Variants in ZNF33B observed in about 807,000 individuals in gnomAD.
The protein encoded by ZNF33B is zinc finger protein 33B.
Under a neutral mutation model 45.8 loss-of-function variants are expected in ZNF33B, and 29 were observed. The ratio of observed to expected loss-of-function variants is 0.63; its 90% confidence interval spans 0.47 to 0.86. ZNF33B has a LOEUF of 0.86. ZNF33B is among the 40% of genes least tolerant of loss of function. ZNF33B has a pLI of 0.00. For missense variants in ZNF33B, 831 were observed against 909.9 expected (o/e 0.91, Z 1.12); for synonymous variants, 305 against 307.8 (o/e 0.99, Z 0.10).
intron 4 of ZNF33B, among the ~76,000 whole-genome samples, chr10:42,601,950 C>G (rs1189797979): frequency 7.5e-6 from 1 of 133,064 alleles, no homozygotes; most frequent in African/African-American, 2.9e-5. Flanking sequence ...CAGGGTCTCA[C>G]TCCATCACCC....
intron 4 of ZNF33B, among the ~76,000 whole-genome samples, chr10:42,601,483 T>TG (rs1403457329): frequency 7.1e-6 from 1 of 141,416 alleles, no homozygotes; most frequent in Non-Finnish European, 1.5e-5. Context: ...TTTTTTTTTT[T>TG]TTTTTTTTTT....
rs779492392 is a variant in ZNF33B, at chr10:42,593,306, T to C, written c.1644A>G (p.Thr548=). 1.2e-5 allele frequency: 20 copies of C among 1,613,938 alleles called. No individual in the cohort carries two copies. In the Admixed American group the frequency reaches 1.5e-4, roughly 12 times the overall value. The change falls in exon 5 of 5, where the codon ACA becomes ACG. Residue 548 remains threonine (T), a synonymous_variant. Coordinates refer to ENST00000359467, the MANE Select transcript of ZNF33B (RefSeq NM_006955.3). The part of the protein sequence containing the change: ...SDLTIHQRTH[T]GEKPFACPEC... ...CAGGACATGCAAAGGGTTTCTCCCCTGTGTGCGTTCTCTGATGTATTGTGA... is the reference window on the plus strand; with the variant it reads ...CAGGACATGCAAAGGGTTTCTCCCCCGTGTGCGTTCTCTGATGTATTGTGA...
intron 4 of ZNF33B, among the ~76,000 whole-genome samples, chr10:42,603,805 C>G (rs1212188552): frequency 6.6e-6 from 1 of 151,970 alleles, no homozygotes; most frequent in Non-Finnish European, 1.5e-5. Context: ...AAAGAGAGCA[C>G]TGTTAACACC....
intron 4 of ZNF33B, among the ~76,000 whole-genome samples, chr10:42,621,378 G>A (rs543244384): frequency 5.3e-5 from 8 of 151,462 alleles, no homozygotes; most frequent in Non-Finnish European, 1.0e-4. Flanking sequence ...TGAATGATGC[G>A]TATGAATACA....
chr10:42,633,616 G>A (rs1193772690), intron 2 of ZNF33B, among the ~76,000 whole-genome samples: 2 of 152,194 alleles, frequency 1.3e-5, no homozygotes, highest in Non-Finnish European at 2.9e-5. Context: ...AACCAGGAAA[G>A]TTAGGGCAAA....
chr10:42,638,261 G>A (rs1052292293), intron 1 of ZNF33B, among the ~76,000 whole-genome samples: 1 of 152,254 alleles, frequency 6.6e-6, no homozygotes, highest in Admixed American at 6.5e-5. Context: ...TACAAACAGG[G>A]CAACGCACAG....
At chr10:42,608,400 G>A (rs1359543102) in intron 4 of ZNF33B, among the ~76,000 whole-genome samples, 1 of 152,074 alleles carries the variant, frequency 6.6e-6, no homozygotes, top group Non-Finnish European at 1.5e-5. Flanking sequence ...AGTGGAACAG[G>A]TATTCTTTAA....
intron 1 of ZNF33B, among the ~76,000 whole-genome samples, chr10:42,578,298 A>C (rs1836777333): frequency 6.6e-6 from 1 of 152,208 alleles, no homozygotes; most frequent in South Asian, 2.1e-4. Flanking sequence ...TGGAGGGTGG[A>C]TAAGAGGCCT....
intron 4 of ZNF33B, among the ~76,000 whole-genome samples, chr10:42,624,610 TAAC>T (rs1465060888): frequency 1.3e-5 from 2 of 152,194 alleles, no homozygotes; most frequent in African/African-American, 4.8e-5. Context: ...AGAAAAGTTA[TAAC>T]AATATGCTGG....
chr10:42,584,253 C>T (rs1038328310), downstream of ZNF33B, among the ~76,000 whole-genome samples: 2 of 152,198 alleles, frequency 1.3e-5, no homozygotes, highest in African/African-American at 4.8e-5. Flanking sequence ...AAGGAAATTG[C>T]CAGAATGACA....
intron 4 of ZNF33B, among the ~76,000 whole-genome samples, chr10:42,624,279 T>A (rs1237335973): frequency 4.6e-5 from 7 of 152,140 alleles, no homozygotes; most frequent in Non-Finnish European, 1.0e-4. Flanking sequence ...ACATATGAAT[T>A]TTGGGGAGAC....
At chr10:42,577,411 C>G (rs1334267181) in intron 1 of ZNF33B, among the ~76,000 whole-genome samples, 1 of 152,168 alleles carries the variant, frequency 6.6e-6, no homozygotes, top group Non-Finnish European at 1.5e-5. Context: ...CTACCGTCTC[C>G]TTCTCCCCTG....
intron 1 of ZNF33B, chr10:42,578,383 C>G (rs1169529312): frequency 6.5e-6 from 1 of 152,738 alleles, no homozygotes; most frequent in Non-Finnish European, 1.5e-5. Context: ...CTTCATCCTC[C>G]TCCTTCATGG....
At chr10:42,597,531 T>G (rs1454441885) in intron 4 of ZNF33B, among the ~76,000 whole-genome samples, 1 of 152,142 alleles carries the variant, frequency 6.6e-6, no homozygotes, top group Non-Finnish European at 1.5e-5. Flanking sequence ...TCGAAATTTA[T>G]ATTTTTAGCA....
Position 42,590,902 on chromosome 10 carries a change from T to C in ZNF33B, c.*1711A>G, listed in dbSNP as rs1203472417. 1 of 152,862 alleles carries C rather than the reference T, an allele frequency of 6.5e-6. No individual in the cohort carries two copies. The highest frequency in any genetic ancestry group is 1.5e-5 in the Non-Finnish European group (1 of 68,630). 9.5% of individuals were successfully genotyped at this position (152,862 alleles called of 1,614,324 possible). ...TTTTATTGATTTTCTCTTTTCAATT[T>C]CACTGATTTTTACTCTAATTTTTTT... On this transcript the variant is annotated 3_prime_UTR_variant, in exon 5 of 5. Coordinates refer to ENST00000359467, the MANE Select transcript of ZNF33B (RefSeq NM_006955.3).
At chr10:42,599,061 A>T (rs965760149) in intron 4 of ZNF33B, among the ~76,000 whole-genome samples, 2 of 152,182 alleles carry the variant, frequency 1.3e-5, no homozygotes, top group African/African-American at 4.8e-5. Context: ...AAGCCGTAAT[A>T]GCTGTTTATT....
intron 4 of ZNF33B, among the ~76,000 whole-genome samples, chr10:42,624,833 A>G (rs1198907346): frequency 1.3e-5 from 2 of 152,176 alleles, no homozygotes; most frequent in Non-Finnish European, 2.9e-5. Flanking sequence ...TGTGCAATTT[A>G]AAACTTAGGC....
At chr10:42,612,942 T>C (rs867235641) in intron 4 of ZNF33B, among the ~76,000 whole-genome samples, 15 of 152,226 alleles carry the variant, frequency 9.9e-5, no homozygotes, top group Middle Eastern at 3.2e-3. Flanking sequence ...TGGCAGTTTG[T>C]GTATTTCAAG....
chr10:42,596,246 G>C (rs1837394785), intron 4 of ZNF33B, among the ~76,000 whole-genome samples: 1 of 151,560 alleles, frequency 6.6e-6, no homozygotes, highest in African/African-American at 2.4e-5. Flanking sequence ...CATGAACCTG[G>C]GAAAACTGTT....
Sources: allele counts gnomAD v4.1 joint callset (sites outside exome capture counted in the v4.1 genomes callset), GRCh38; gene constraint gnomAD v4.1.1; transcripts MANE v1.5; gene names NCBI Gene and HGNC (gene_info 2026-07-23, HGNC 2026-07-21).